The following GALNT13 variants were observed in gnomAD, a reference collection of about 807,000 sequenced individuals.
GALNT13 encodes polypeptide N-acetylgalactosaminyltransferase 13, also known as UDP-GalNAc:polypeptide N-acetylgalactosaminyltransferase 13.
In GALNT13, 28 loss-of-function variants were observed where a neutral mutation model predicts 64.2. The ratio of observed to expected loss-of-function variants is 0.44; its 90% CI spans 0.32 to 0.60. The LOEUF (loss-of-function observed/expected upper bound fraction) is 0.60, where lower values mean the gene tolerates loss of function less well. Ranked by LOEUF, GALNT13 falls within the 20% of genes least tolerant of loss-of-function variation. GALNT13 has a pLI of 0.05. For synonymous variants in GALNT13, 214 were observed against 224.6 expected, an observed-to-expected ratio of 0.95 and a Z score of 0.42; for missense variants, 577 against 669.8, an observed-to-expected ratio of 0.86 and a Z score of 1.53.
the GALNT13 span, among the ~76,000 whole-genome samples, chr2:153,240,742 G>A: frequency 0.19 from 28,182 of 151,952 alleles, 2,802 homozygotes; most frequent in African/African-American, 0.23. Flanking sequence ...TCTGTCTGTA[G>A]TCCAGTCATG....
At chr2:153,862,875 T>G in the GALNT13 span, among the ~76,000 whole-genome samples, 1 of 152,126 alleles carries the variant, frequency 6.6e-6, no homozygotes, top group African/African-American at 2.4e-5. Context: ...TTCTAATATT[T>G]TAAAATAAAG....
chr2:154,357,552 G>C (rs917241542), intron 9 of GALNT13, among the ~76,000 whole-genome samples: 8 of 151,994 alleles, frequency 5.3e-5, no homozygotes, highest in African/African-American at 1.9e-4. Flanking sequence ...GTAATCATGA[G>C]CCATTGTGCA....
chr2:154,455,099 A>G (rs1702014258), downstream of GALNT13, among the ~76,000 whole-genome samples: 1 of 152,168 alleles, frequency 6.6e-6, no homozygotes, highest in Non-Finnish European at 1.5e-5. Flanking sequence ...AGTCTAATAA[A>G]AAGGAAAAAA....
At chr2:153,384,091 C>T in the GALNT13 span, among the ~76,000 whole-genome samples, 1 of 152,112 alleles carries the variant, frequency 6.6e-6, no homozygotes, top group Non-Finnish European at 1.5e-5. Context: ...TTACCAAGCA[C>T]ATTTTTGTGA....
intron 4 of GALNT13, among the ~76,000 whole-genome samples, chr2:154,166,480 G>A (rs1208553410): frequency 6.6e-6 from 1 of 152,156 alleles, no homozygotes; most frequent in Non-Finnish European, 1.5e-5. Flanking sequence ...GGAAACAACA[G>A]GTGCTGGAGA....
At chr2:153,071,340 C>A in the GALNT13 span, among the ~76,000 whole-genome samples, 1 of 152,276 alleles carries the variant, frequency 6.6e-6, no homozygotes, top group Non-Finnish European at 1.5e-5. Context: ...GTGTTCTCAT[C>A]TCTTACATGA....
chr2:153,625,917 G>A, the GALNT13 span, among the ~76,000 whole-genome samples: 1 of 151,988 alleles, frequency 6.6e-6, no homozygotes, highest in Non-Finnish European at 1.5e-5. Flanking sequence ...TCAGCTCCCT[G>A]CTGAAATGTT....
At chr2:153,813,579 A>G in the GALNT13 span, among the ~76,000 whole-genome samples, 1 of 152,052 alleles carries the variant, frequency 6.6e-6, no homozygotes, top group Non-Finnish European at 1.5e-5. Context: ...ATAGTATTCA[A>G]TTATTAGAAA....
the GALNT13 span, among the ~76,000 whole-genome samples, chr2:153,277,403 G>A: frequency 1.4e-4 from 21 of 152,280 alleles, no homozygotes; most frequent in African/African-American, 4.6e-4. Context: ...TTTTCCGGCT[G>A]TGTCGTATTC....
the GALNT13 span, among the ~76,000 whole-genome samples, chr2:153,425,314 A>G: frequency 1.3e-5 from 2 of 151,674 alleles, no homozygotes; most frequent in African/African-American, 4.8e-5. Flanking sequence ...TTTGTTTGCA[A>G]TATTTTATTA....
At chr2:154,072,410 C>A (rs1700779508) in intron 3 of GALNT13, among the ~76,000 whole-genome samples, 1 of 152,076 alleles carries the variant, frequency 6.6e-6, no homozygotes, top group Admixed American at 6.6e-5. Flanking sequence ...TGATGGAACA[C>A]ATTTATGTTT....
the GALNT13 span, among the ~76,000 whole-genome samples, chr2:153,448,907 G>A: frequency 9.9e-5 from 15 of 152,124 alleles, no homozygotes; most frequent in Admixed American, 6.6e-4. Flanking sequence ...GGTTAAACGA[G>A]GTCATAAGAG....
chr2:154,392,192 C>G (rs1346426911), intron 9 of GALNT13, among the ~76,000 whole-genome samples: 4 of 152,114 alleles, frequency 2.6e-5, no homozygotes, highest in Non-Finnish European at 5.9e-5. Flanking sequence ...AGTCAATCAC[C>G]AAGACAACCA....
At chr2:153,182,286 C>T in the GALNT13 span, among the ~76,000 whole-genome samples, 6 of 152,042 alleles carry the variant, frequency 3.9e-5, no homozygotes, top group Admixed American at 6.6e-5. Context: ...CCTTGTGATC[C>T]GCCTGCCTCA....
At chr2:154,083,553 G>GTT (rs34959017) in intron 3 of GALNT13, among the ~76,000 whole-genome samples, 1 of 151,704 alleles carries the variant, frequency 6.6e-6, no homozygotes, top group Non-Finnish European at 1.5e-5. Context: ...AGCATGGAAT[G>GTT]TTTTTTCATT....
At chr2:154,388,154 T>G (rs908407032) in intron 9 of GALNT13, among the ~76,000 whole-genome samples, 8 of 152,220 alleles carry the variant, frequency 5.3e-5, no homozygotes, top group Non-Finnish European at 1.0e-4. Flanking sequence ...TAATTTGCAC[T>G]TTCCTAATGA....
the GALNT13 span, among the ~76,000 whole-genome samples, chr2:153,325,114 G>GTTTTTTTTTT: frequency 1.4e-5 from 1 of 72,678 alleles, no homozygotes; most frequent in East Asian, 4.8e-4. Context: ...CTGGACCTGG[G>GTTTTTTTTTT]TTTTTTTTTT....
the GALNT13 span, among the ~76,000 whole-genome samples, chr2:153,089,010 T>C: frequency 1.3e-5 from 2 of 152,206 alleles, no homozygotes; most frequent in African/African-American, 2.4e-5. Flanking sequence ...CTATTTGTTA[T>C]GCTGGTTGTT....
chr2:153,200,064 T>C, the GALNT13 span, among the ~76,000 whole-genome samples: 1 of 152,176 alleles, frequency 6.6e-6, no homozygotes, highest in African/African-American at 2.4e-5. Context: ...GGGTACCACA[T>C]GCCATAGGAG....
Sources: gnomAD v4.1 joint callset for allele counts (sites outside exome capture counted in the v4.1 genomes callset) on GRCh38, gnomAD v4.1.1 for gene constraint, MANE v1.5 for transcripts, NCBI Gene and HGNC (gene_info 2026-07-23, HGNC 2026-07-21) for gene names.